IGSF21: variants seen among roughly 807,000 people sequenced by gnomAD.
IGSF21 encodes the protein immunoglobin superfamily member 21, also known as immunoglobulin superfamily member 21.
Under a neutral mutation model 46.8 loss-of-function variants are expected in IGSF21, and 28 were observed. The ratio of observed to expected loss-of-function variants is 0.60; its 90% CI spans 0.44 to 0.82. The LOEUF (loss-of-function observed/expected upper bound fraction) is 0.82. Ranked by LOEUF, IGSF21 falls within the 40% of genes least tolerant of loss-of-function variation. The pLI is 0.00. For missense variants in IGSF21, 624 were observed against 665.5 expected, an observed-to-expected ratio of 0.94 and a Z score of 0.69; for synonymous variants, 284 against 273.6, an observed-to-expected ratio of 1.04 and a Z score of -0.38.
chr1:18,238,428 G>A (rs2084693108), intron 2 of IGSF21, among the ~76,000 whole-genome samples: 1 of 152,214 alleles, frequency 6.6e-6, no homozygotes, highest in African/African-American at 2.4e-5. Context: ...ACGGGAAGAG[G>A]AGATAAGAAG....
At chr1:18,344,622 A>T (rs1167510408) in intron 4 of IGSF21, among the ~76,000 whole-genome samples, 1 of 152,012 alleles carries the variant, frequency 6.6e-6, no homozygotes, top group Non-Finnish European at 1.5e-5. Flanking sequence ...CTGTGGGGGA[A>T]GTGGGGCTTC....
At position 18,365,906 on chromosome 1, in the gene IGSF21, A is replaced by G. The variant is rs775165674; in HGVS notation, c.1015+209A>G. ...GAAGATGGGAGGTACCCACAGGCCA[A>G]GGTAGTTTGCTGGGTTGAGCCAAGA... On this transcript the variant is annotated intron_variant, in intron 6 of 9. Coordinates refer to ENST00000251296, the MANE Select transcript of IGSF21 (RefSeq NM_032880.5). The surrounding 1 kb of genome is among the most constrained non-coding windows in gnomAD (Gnocchi z 4.8). 6.6e-6 allele frequency among the ~76,000 whole-genome samples: 1 copy of G among 152,162 alleles called. No individual in the cohort carries two copies. Among genetic ancestry groups the G allele is most frequent in the Non-Finnish European group, 1.5e-5 (1 of 68,036 alleles).
At chr1:18,259,447 C>A (rs897727558) in intron 2 of IGSF21, among the ~76,000 whole-genome samples, 4 of 152,160 alleles carry the variant, frequency 2.6e-5, no homozygotes, top group African/African-American at 7.2e-5. Context: ...TTCATTTTAA[C>A]TGCAGAGGAT....
intron 1 of IGSF21, among the ~76,000 whole-genome samples, chr1:18,190,006 G>A (rs2086939446): frequency 6.6e-6 from 1 of 152,192 alleles, no homozygotes; most frequent in Non-Finnish European, 1.5e-5. Flanking sequence ...ATGGCCTGGG[G>A]GATGGGGACT....
chr1:18,283,699 A>G lies in IGSF21; in HGVS notation c.184-8167A>G, dbSNP rs191952182. 2.6e-3 allele frequency among the ~76,000 whole-genome samples: 392 copies of G among 151,794 alleles called. 1 individual carries two copies. Among genetic ancestry groups the G allele is most frequent in the Non-Finnish European group, 4.3e-3 (293 of 67,884 alleles). On this transcript the variant is annotated intron_variant, in intron 2 of 9. Coordinates refer to ENST00000251296, the MANE Select transcript of IGSF21 (RefSeq NM_032880.5). ...CCCCTGCCCTGGTTTTCCTCTCCCT[A>G]GAATACCTACTCCCTTTCTTGCCCC...
intron 4 of IGSF21, among the ~76,000 whole-genome samples, chr1:18,360,637 T>C (rs1449187739): frequency 6.6e-6 from 1 of 152,176 alleles, no homozygotes; most frequent in East Asian, 1.9e-4. Context: ...CCTGTGCGTG[T>C]CCCAAGGCTG....
chr1:18,227,191 C>T (rs1399521037), intron 1 of IGSF21, among the ~76,000 whole-genome samples: 1 of 152,146 alleles, frequency 6.6e-6, no homozygotes, highest in African/African-American at 2.4e-5. Flanking sequence ...ACCCGACCCT[C>T]CCTTTAGGTG....
chr1:18,190,549 T>C (rs2086945368), intron 1 of IGSF21, among the ~76,000 whole-genome samples: 1 of 152,208 alleles, frequency 6.6e-6, no homozygotes. Context: ...TCACCTCTAT[T>C]CATCTGCAAC....
intron 2 of IGSF21, among the ~76,000 whole-genome samples, chr1:18,228,560 C>T (rs1021310065): frequency 6.6e-6 from 1 of 152,176 alleles, no homozygotes; most frequent in Non-Finnish European, 1.5e-5. Context: ...CCAGGAAGAA[C>T]AGCTTGGAAT....
chr1:18,213,967 G>A (rs1319004577), intron 1 of IGSF21, among the ~76,000 whole-genome samples: 2 of 152,164 alleles, frequency 1.3e-5, no homozygotes, highest in African/African-American at 4.8e-5. Context: ...CCATAAAATG[G>A]GAAGAAAAAT....
At chr1:18,358,846 C>G (rs2086052904) in intron 4 of IGSF21, among the ~76,000 whole-genome samples, 1 of 152,210 alleles carries the variant, frequency 6.6e-6, no homozygotes, top group Non-Finnish European at 1.5e-5. Flanking sequence ...CTAGTCTGAT[C>G]TAGAACCCAC....
At chr1:18,353,967 G>A (rs577731730) in intron 4 of IGSF21, among the ~76,000 whole-genome samples, 1 of 152,354 alleles carries the variant, frequency 6.6e-6, no homozygotes, top group Non-Finnish European at 1.5e-5. Flanking sequence ...AACTCCTATT[G>A]CATGGCTGGT....
At chr1:18,359,335 AG>A in intron 4 of IGSF21, among the ~76,000 whole-genome samples, 1 of 49,966 alleles carries the variant, frequency 2.0e-5, no homozygotes, top group South Asian at 7.5e-4. Context: ...AGAAAGAGAA[AG>A]AAAAAGAAAG....
At chr1:18,362,023 C>T in intron 4 of IGSF21, 92 bp from the exon 5 acceptor site, 1 of 858,964 alleles carries the variant, frequency 1.2e-6, no homozygotes, top group Non-Finnish European at 1.8e-6. Context: ...CCCCGGCACC[C>T]AGCATGGACG....
chr1:18,269,451 GT>G (rs2085022299), intron 2 of IGSF21, among the ~76,000 whole-genome samples: 1 of 152,146 alleles, frequency 6.6e-6, no homozygotes, highest in African/African-American at 2.4e-5. Context: ...TAAATGATAC[GT>G]TTACAAGGAA....
intron 3 of IGSF21, among the ~76,000 whole-genome samples, chr1:18,309,792 G>C (rs1376299957): frequency 1.3e-5 from 2 of 152,192 alleles, no homozygotes; most frequent in African/African-American, 4.8e-5. Flanking sequence ...GGGAGGGCTG[G>C]AGCTGCTGGA....
At chr1:18,198,373 T>TCTCATC (rs1309437651) in intron 1 of IGSF21, among the ~76,000 whole-genome samples, 1 of 152,136 alleles carries the variant, frequency 6.6e-6, no homozygotes, top group Non-Finnish European at 1.5e-5. Context: ...GGGACCCACA[T>TCTCATC]GGGCCCGTAG....
chr1:18,197,414 G>C (rs941425029), intron 1 of IGSF21, among the ~76,000 whole-genome samples: 3 of 152,214 alleles, frequency 2.0e-5, no homozygotes, highest in Non-Finnish European at 2.9e-5. Flanking sequence ...TGTGACCTTG[G>C]ATAAGTTACT....
At chr1:18,265,928 T>C (rs963091131) in intron 2 of IGSF21, among the ~76,000 whole-genome samples, 7 of 152,108 alleles carry the variant, frequency 4.6e-5, no homozygotes, top group South Asian at 2.1e-4. Flanking sequence ...TCCTGAGCCA[T>C]AGAGATTAAG....
Sources: allele counts gnomAD v4.1 joint callset (sites outside exome capture counted in the v4.1 genomes callset), GRCh38; gene constraint gnomAD v4.1.1; non-coding constraint Gnocchi (gnomAD v3.1); transcripts MANE v1.5; gene names NCBI Gene and HGNC (gene_info 2026-07-23, HGNC 2026-07-21).